The following CARNS1 variants were observed in gnomAD, a reference collection of about 807,000 sequenced individuals.
CARNS1 encodes carnosine synthase 1, also known as ATP-grasp domain containing 1.
Under a neutral mutation model 74.0 loss-of-function variants are expected in CARNS1, and 61 were observed. The ratio of observed to expected loss-of-function variants is 0.82; its 90% CI spans 0.67 to 1.02. The LOEUF is 1.02. Ranked by LOEUF, CARNS1 falls within the 50% of genes least tolerant of loss-of-function variation. The probability of loss-of-function intolerance (pLI) is 0.00; values close to 1 mark genes in which losing one functional copy is unlikely to be tolerated. For missense variants in CARNS1, 1,278 were observed against 1,308.4 expected (o/e 0.98, Z 0.36); for synonymous variants, 568 against 605.5 (o/e 0.94, Z 0.91).
At chr11:67,419,352 GCTGCCCTGCCC>G (rs1863632965) in intron 5 of CARNS1, 109 bp downstream of exon 5, 5 of 1,471,160 alleles carry the variant, frequency 3.4e-6, no homozygotes, top group South Asian at 1.4e-5. Flanking sequence ...TAGCCCTGCC[GCTGCCCTGCCC>G]CATCTCTGGG....
At chr11:67,415,957 A>C in intron 1 of CARNS1, 194 bp downstream of exon 1, 43 of 380,644 alleles carry the variant, frequency 1.1e-4, no homozygotes, top group Middle Eastern at 8.1e-4. Flanking sequence ...ACCCCAGGGC[A>C]GGAAGGACCT....
At chr11:67,419,407 C>T (rs1272370857) in intron 5 of CARNS1, 80 bp from the exon 6 acceptor site, 17 of 1,549,126 alleles carry the variant, frequency 1.1e-5, no homozygotes, top group Non-Finnish European at 1.5e-5. Context: ...AGTTTACTCA[C>T]CGGCTCCTGT....
intron 9 of CARNS1, among the ~76,000 whole-genome samples, chr11:67,422,845 T>C (rs1368914448): frequency 6.6e-6 from 1 of 152,216 alleles, no homozygotes. Context: ...CCTCCCTCTC[T>C]CTTCAGTGGC....
At chr11:67,417,788 C>T in intron 3 of CARNS1, 111 bp downstream of exon 3, 2 of 780,568 alleles carry the variant, frequency 2.6e-6, no homozygotes, top group Non-Finnish European at 1.7e-6. Flanking sequence ...GGCTCTGGTT[C>T]CATCTGAAGG....
rs566809895 is a variant in CARNS1 at position 67,418,898 on chromosome 11, G to C, written c.507G>C (p.Pro169=). ...GLTFLDDFVP[P]RRATYFLAGL... is the part of the protein sequence containing the mutation. ...CATTCCTGGATGACTTTGTCCCCCC[G>C]CGCCGTGCCACCTACTTTTTGGCAG... The change falls in exon 5 of 10, where the codon CCG becomes CCC. Residue 169 remains proline (P), a synonymous_variant. Coordinates refer to ENST00000687366, the MANE Select transcript of CARNS1 (RefSeq NM_001166222.2). 2 of 1,595,810 alleles carry C rather than the reference G, an allele frequency of 1.3e-6. No individual in the cohort carries two copies. Among genetic ancestry groups the C allele is most frequent in the South Asian group, 1.1e-5 (1 of 88,430 alleles).
chr11:67,416,227 C>T (rs531335277), intron 2 of CARNS1, 25 bp downstream of exon 2: 4 of 1,536,986 alleles, frequency 2.6e-6, no homozygotes, highest in South Asian at 2.4e-5. Context: ...GTCCCTCCCC[C>T]ACAAGGCCCA....
At chr11:67,421,424 C>G (rs1414973940) in intron 9 of CARNS1, among the ~76,000 whole-genome samples, 1 of 152,194 alleles carries the variant, frequency 6.6e-6, no homozygotes, top group Non-Finnish European at 1.5e-5. Flanking sequence ...GGTGAGGGGA[C>G]TCCGCTAGTT....
At position 67,424,925 on chromosome 11, in the gene CARNS1, C is replaced by A; in HGVS notation, c.*324C>A. 6.9e-6 allele frequency: 4 copies of A among 579,664 alleles called. No homozygotes were observed. In the East Asian group the frequency reaches 1.6e-4, roughly 23 times the overall value. The allele number at this position is 579,664 out of a possible 1,614,324, so 35.9% of individuals were successfully genotyped here. On this transcript the variant is annotated 3_prime_UTR_variant, in exon 10 of 10. Coordinates refer to ENST00000687366, the MANE Select transcript of CARNS1 (RefSeq NM_001166222.2). ...GCCAGCTCCCCAGGTGGGAGTGGGCCCAAACCCAGCCCCTCCTGTCCACCT... is the reference window on the plus strand; with the variant it reads ...GCCAGCTCCCCAGGTGGGAGTGGGCACAAACCCAGCCCCTCCTGTCCACCT...
chr11:67,417,594 TCTA>T lies in CARNS1; in HGVS notation c.199_201del (p.Tyr67del). The T allele has an allele frequency of 7.5e-7, 1 of 1,330,586 alleles. No homozygotes were observed. The highest frequency in any genetic ancestry group is 9.6e-7 in the Non-Finnish European group (1 of 1,040,032). 82.4% of individuals were successfully genotyped at this position (1,330,586 alleles called of 1,614,324 possible). On this transcript the variant is annotated inframe_deletion, in exon 3 of 10. Transcript: ENST00000687366. ...GGGGCCGAGGCCCGGGCTTGGACTG[TCTA>T]CTACTACAGCCTCCTGCAGAGCTGT...
Position 67,421,188 on chromosome 11 carries a change from T to A in CARNS1, c.1595T>A (p.Val532Glu). Residue 532 changes from valine (V) to glutamate (E), a missense_variant, in exon 9 of 10, where the codon GTG (valine) becomes GAG (glutamate). Around this residue, in one of 3 missense-constraint regions of CARNS1, gnomAD observed 1,164 missense variants for 1,156.5 expected, o/e 1.01. Transcript: ENST00000687366. ...GCTGGCGGCGTCAGCAAGAAGTTCG[T>A]GTGGGAGGCGGCGCGCGACTACGGG... Reference protein sequence around the residue: ...VGAGGVSKKFVWEAARDYGLQ... With the variant: ...VGAGGVSKKFEWEAARDYGLQ... 6.7e-7 allele frequency: 1 copy of A among 1,492,694 alleles called. No individual in the cohort carries two copies. The highest frequency in any genetic ancestry group is 1.3e-5 in the South Asian group (1 of 80,000). The allele number at this position is 1,492,694 out of a possible 1,614,324, so 92.5% of individuals were successfully genotyped here.
intron 1 of CARNS1, 185 bp downstream of exon 1, chr11:67,415,948 C>T (rs962661766): frequency 8.5e-6 from 4 of 467,938 alleles, no homozygotes; most frequent in Admixed American, 3.7e-5. Flanking sequence ...CAAGCCCGGA[C>T]CCCAGGGCAG....
At chr11:67,416,275 C>T (rs1863543206) in intron 2 of CARNS1, 73 bp downstream of exon 2, 9 of 1,536,142 alleles carry the variant, frequency 5.9e-6, no homozygotes, top group African/African-American at 1.4e-5. Context: ...GGACAGCAGG[C>T]AGCACCTAGG....
chr11:67,418,573 C>T, intron 4 of CARNS1, 53 bp downstream of exon 4: 1 of 1,493,584 alleles, frequency 6.7e-7, no homozygotes, highest in Non-Finnish European at 8.9e-7. Flanking sequence ...GGCAGCCCTG[C>T]CCTGGCCCAG....
Position 67,419,527 on chromosome 11 carries a change from A to T in CARNS1, c.893A>T (p.Gln298Leu). Residue 298 changes from glutamine to leucine, a missense_variant, in exon 6 of 10, where the codon CAG becomes CTG. Physicochemically the swap from Gln to Leu is moderately radical, Grantham distance 113 (BLOSUM62 -2). Coordinates refer to ENST00000687366, the MANE Select transcript of CARNS1 (RefSeq NM_001166222.2). ...KLSGWRWRGR[Q>L]AWRLHPRAEL... is the part of the protein sequence containing the mutation. The stretch of plus-strand genomic sequence containing the variant: ...AGTGGCTGGCGCTGGCGGGGGCGGC[A>T]GGCATGGCGTCTGCACCCGCGGGCA... 1 of 1,609,542 alleles carries T rather than the reference A, an allele frequency of 6.2e-7. No individual in the cohort carries two copies.
Position 67,424,458 on chromosome 11 carries a change from G to A in CARNS1, c.2710G>A (p.Glu904Lys), listed in dbSNP as rs1193611604. Residue 904 changes from glutamate (E) to lysine (K), a missense_variant, in exon 10 of 10, where the codon GAG becomes AAG. This residue lies in a region of CARNS1 where 1,164 missense variants were observed against 1,156.5 expected (regional missense o/e 1.01). Coordinates refer to ENST00000687366, the MANE Select transcript of CARNS1 (RefSeq NM_001166222.2). ...GCTGGAGGAGGCCCTGGTGCCTGGC[G>A]AGTATGAGGAGCCCTACTGCAGTGT... ...NLLEEALVPG[E>K]YEEPYCSVAC... 6.3e-6 allele frequency: 10 copies of A among 1,588,358 alleles called. No homozygotes were observed. Among genetic ancestry groups the A allele is most frequent in the Non-Finnish European group, 8.6e-6 (10 of 1,168,778 alleles).
chr11:67,423,444 A>G lies in CARNS1; in HGVS notation c.1696A>G (p.Met566Val). The G allele has an allele frequency of 1.2e-6, 2 of 1,613,968 alleles. No individual in the cohort carries two copies. The highest frequency in any genetic ancestry group is 1.7e-6 in the Non-Finnish European group (2 of 1,179,840). ...GGTACAGACCTTCATCCACTTTGAC[A>G]TGACAGAGCACCGGAGGGATGAGGA... ...QLVQTFIHFD[M>V]TEHRRDEENA... is the part of the protein sequence containing the mutation. The change falls in exon 10 of 10, where the codon ATG becomes GTG. Residue 566 changes from methionine (M) to valine (V), a missense_variant. Physicochemically the swap from Met to Val is conservative, Grantham distance 21. This residue lies in a region of CARNS1 where 1,164 missense variants were observed against 1,156.5 expected (regional missense o/e 1.01). Coordinates refer to ENST00000687366, the MANE Select transcript of CARNS1 (RefSeq NM_001166222.2). The surrounding 1 kb of genome is among the most constrained non-coding windows in gnomAD (Gnocchi z 5.1).
rs1327044984 is a variant in CARNS1, at chr11:67,419,654, C to T, written c.1020C>T (p.Pro340=). 1.3e-6 allele frequency: 2 copies of T among 1,594,330 alleles called. No homozygotes were observed. The highest frequency in any genetic ancestry group is 1.7e-6 in the Non-Finnish European group (2 of 1,171,146). ...VEAVYPPAQL[P]CSDGPSPGPG... is the part of the protein sequence containing the mutation. ...CTGTGTACCCACCTGCCCAGCTGCC[C>T]TGCTCAGGTGAGAGCCACCTGGGCT... is the stretch of plus-strand genomic sequence containing the variant. The change falls in exon 6 of 10, where the codon CCC becomes CCT. Residue 340 remains proline, a synonymous_variant. Coordinates refer to ENST00000687366, the MANE Select transcript of CARNS1 (RefSeq NM_001166222.2).
intron 8 of CARNS1, 42 bp downstream of exon 8, chr11:67,420,882 C>A (rs1863677912): frequency 7.7e-7 from 1 of 1,306,624 alleles, no homozygotes; most frequent in African/African-American, 1.6e-5. Context: ...AGCCGAGGGC[C>A]AGGGGCTGGA....
chr11:67,425,233 A>G lies in CARNS1; in HGVS notation c.*632A>G. The G allele has an allele frequency of 2.7e-6, 1 of 369,682 alleles. No homozygotes were observed. The highest frequency in any genetic ancestry group is 5.3e-6 in the Non-Finnish European group (1 of 186,988). The allele number at this position is 369,682 out of a possible 1,614,324, so 22.9% of individuals were successfully genotyped here. Reference sequence around the variant, plus strand: ...TCCCCCGATGAGAGGAAACAGGCTGAGAGAAGAAAAATGACTGCTCCAGGA... The same window carrying G: ...TCCCCCGATGAGAGGAAACAGGCTGGGAGAAGAAAAATGACTGCTCCAGGA... On this transcript the variant is annotated 3_prime_UTR_variant, in exon 10 of 10. Transcript: ENST00000687366.
Sources: allele counts gnomAD v4.1 joint callset (sites outside exome capture counted in the v4.1 genomes callset), GRCh38; gene constraint gnomAD v4.1.1; regional missense constraint gnomAD v4.1.1; non-coding constraint Gnocchi (gnomAD v3.1); transcripts MANE v1.5; gene names NCBI Gene and HGNC (gene_info 2026-07-23, HGNC 2026-07-21).